RGS6: variants seen among roughly 807,000 people sequenced by gnomAD.
The protein encoded by RGS6 is regulator of G protein signaling 6, also known as regulator of G-protein signaling 6.
In RGS6, 30 loss-of-function variants were observed where a neutral mutation model predicts 78.5. The observed-to-expected ratio is 0.38, with a 90% CI of 0.29 to 0.52. The LOEUF is 0.52. Among genes scored for constraint, RGS6 ranks in the 20% least tolerant of loss-of-function variants. The pLI, the probability that RGS6 is intolerant of heterozygous loss-of-function variation, is 0.85. For missense variants in RGS6, 495 were observed against 609.7 expected (o/e 0.81, Z 1.98); for synonymous variants, 206 against 206.0 (o/e 1.00, Z 0.00).
At chr14:72,075,438 C>A (rs1304955966) in intron 2 of RGS6, among the ~76,000 whole-genome samples, 1 of 152,076 alleles carries the variant, frequency 6.6e-6, no homozygotes, top group Non-Finnish European at 1.5e-5. Context: ...TGTGACTAGA[C>A]TTAAGATGAA....
chr14:72,513,640 A>G (rs1177686665), intron 14 of RGS6, among the ~76,000 whole-genome samples: 2 of 152,100 alleles, frequency 1.3e-5, no homozygotes, highest in Admixed American at 6.5e-5. Context: ...TCTTGGCCTC[A>G]TCCTTCTTCC....
At chr14:72,452,277 T>C (rs1790359643) in intron 3 of RGS6, among the ~76,000 whole-genome samples, 2 of 151,808 alleles carry the variant, frequency 1.3e-5, no homozygotes, top group African/African-American at 4.8e-5. Context: ...TGAATACGAG[T>C]GTTTTTGATC....
At chr14:72,320,375 G>A (rs567190579) in intron 2 of RGS6, among the ~76,000 whole-genome samples, 6 of 151,972 alleles carry the variant, frequency 3.9e-5, no homozygotes, top group African/African-American at 1.4e-4. Flanking sequence ...TCGGGAGATC[G>A]AGACCATCCT....
intron 3 of RGS6, among the ~76,000 whole-genome samples, chr14:72,415,382 G>C (rs55833540): frequency 4.6e-5 from 7 of 152,206 alleles, no homozygotes; most frequent in Non-Finnish European, 8.8e-5. Context: ...TGTTAAGCCC[G>C]TTGGAAAAGG....
chr14:72,242,555 A>G (rs2053148701), intron 2 of RGS6, among the ~76,000 whole-genome samples: 1 of 152,216 alleles, frequency 6.6e-6, no homozygotes, highest in Non-Finnish European at 1.5e-5. Context: ...TCATCATGAA[A>G]TGTATTGAAT....
chr14:71,962,096 C>T (rs2093242475), intron 1 of RGS6, among the ~76,000 whole-genome samples: 1 of 152,158 alleles, frequency 6.6e-6, no homozygotes, highest in Non-Finnish European at 1.5e-5. Context: ...CACAGGAAAG[C>T]TAAATAGCTT....
the RGS6 span, among the ~76,000 whole-genome samples, chr14:72,575,524 G>A: frequency 6.6e-6 from 1 of 152,298 alleles, no homozygotes; most frequent in East Asian, 1.9e-4. Flanking sequence ...CCTGAAGGCA[G>A]CAAGGACAGG....
At chr14:72,212,056 C>T (rs1342250518) in intron 2 of RGS6, among the ~76,000 whole-genome samples, 3 of 152,132 alleles carry the variant, frequency 2.0e-5, no homozygotes, top group Non-Finnish European at 4.4e-5. Flanking sequence ...TAGCATAGAA[C>T]CAGTACGTTA....
At chr14:71,954,716 C>T (rs538752732) in intron 1 of RGS6, among the ~76,000 whole-genome samples, 102 of 152,202 alleles carry the variant, frequency 6.7e-4, no homozygotes, top group African/African-American at 2.4e-3. Flanking sequence ...CCATGGAAAG[C>T]CTTCTTCATT....
At chr14:72,152,278 A>G (rs1204337657) in intron 2 of RGS6, among the ~76,000 whole-genome samples, 1 of 150,040 alleles carries the variant, frequency 6.7e-6, no homozygotes, top group Non-Finnish European at 1.5e-5. Context: ...GTGTGTGCGC[A>G]TGCAGCCTTT....
intron 2 of RGS6, among the ~76,000 whole-genome samples, chr14:72,016,269 G>A (rs1186500490): frequency 6.6e-6 from 1 of 152,148 alleles, no homozygotes; most frequent in East Asian, 1.9e-4. Context: ...ATGTCCAGTT[G>A]TCTCAGTTAC....
At chr14:72,485,073 C>CA (rs1411253613) in intron 12 of RGS6, among the ~76,000 whole-genome samples, 1 of 151,832 alleles carries the variant, frequency 6.6e-6, no homozygotes, top group Non-Finnish European at 1.5e-5. Flanking sequence ...TAAAGGTTCA[C>CA]AGATCAGCAT....
rs916484415 is a variant in RGS6, at chr14:72,320,494, C to T, written c.85-31601C>T. Among the ~76,000 whole-genome samples the T allele has an allele frequency of 1.2e-4, 18 of 152,164 alleles. No individual in the cohort carries two copies. In the East Asian group the frequency reaches 1.9e-3, roughly 16 times the overall value. On this transcript the variant is annotated intron_variant, in intron 2 of 17. Transcript: ENST00000553525. ...TTGGGAGGCTGAGGCAGGAGAATGGCGTGAACCCGAGAGGCAGAGCTTGCA... is the reference window on the plus strand; with the variant it reads ...TTGGGAGGCTGAGGCAGGAGAATGGTGTGAACCCGAGAGGCAGAGCTTGCA...
intron 2 of RGS6, among the ~76,000 whole-genome samples, chr14:72,140,952 G>A (rs191823771): frequency 1.6e-4 from 24 of 152,304 alleles, no homozygotes; most frequent in Non-Finnish European, 2.5e-4. Context: ...AACTCTTACC[G>A]TGTAAATGTG....
intron 3 of RGS6, among the ~76,000 whole-genome samples, chr14:72,416,790 A>C (rs1397686328): frequency 6.6e-6 from 1 of 152,184 alleles, no homozygotes; most frequent in African/African-American, 2.4e-5. Context: ...TTGACAACAG[A>C]CTGCCTAGGT....
intron 2 of RGS6, among the ~76,000 whole-genome samples, chr14:72,236,810 G>A (rs1385308880): frequency 1.3e-5 from 2 of 152,114 alleles, no homozygotes; most frequent in African/African-American, 4.8e-5. Context: ...GCGCTGAGCA[G>A]AGGTGCTCCT....
chr14:72,193,408 A>C (rs1331594923), intron 2 of RGS6, among the ~76,000 whole-genome samples: 1 of 152,180 alleles, frequency 6.6e-6, no homozygotes, highest in Non-Finnish European at 1.5e-5. Context: ...CCCCATAGTC[A>C]GTGCAGGAGT....
rs190449477 is a variant in RGS6 at position 72,230,717 on chromosome 14, C to T, written c.85-121378C>T. ...ATGCTGCAGTCTCGAGGCAGGATTT[C>T]TTCTTCCTCGGGGAAACCTCAATTT... On this transcript the variant is annotated intron_variant, in intron 2 of 17. Transcript: ENST00000553525. Among the ~76,000 whole-genome samples, 25 of 152,318 alleles carry T rather than the reference C, an allele frequency of 1.6e-4. 1 individual carries two copies. Among genetic ancestry groups the T allele is most frequent in the African/African-American group, 6.0e-4 (25 of 41,580 alleles).
At chr14:72,506,113 C>A (rs1036360075) in intron 13 of RGS6, among the ~76,000 whole-genome samples, 2 of 152,302 alleles carry the variant, frequency 1.3e-5, no homozygotes, top group African/African-American at 4.8e-5. Flanking sequence ...ACACTTCATC[C>A]ACATCACTAT....
Sources: gnomAD v4.1 joint callset for allele counts (sites outside exome capture counted in the v4.1 genomes callset) on GRCh38, gnomAD v4.1.1 for gene constraint, MANE v1.5 for transcripts, NCBI Gene and HGNC (gene_info 2026-07-23, HGNC 2026-07-21) for gene names.